Variants in GALNT7 observed in about 807,000 individuals in gnomAD.
GALNT7 encodes the protein polypeptide N-acetylgalactosaminyltransferase 7.
In GALNT7, 60 loss-of-function variants were observed where a neutral mutation model predicts 82.1. That is an observed-to-expected ratio of 0.73 (90% CI 0.59 to 0.91). The LOEUF (loss-of-function observed/expected upper bound fraction) is 0.91. Ranked by LOEUF, GALNT7 falls within the 40% of genes least tolerant of loss-of-function variation. The probability of loss-of-function intolerance (pLI) is 0.00; values close to 1 mark genes in which losing one functional copy is unlikely to be tolerated. For missense variants in GALNT7, 660 were observed against 804.2 expected (o/e 0.82, Z 2.17); for synonymous variants, 243 against 275.1 (o/e 0.88, Z 1.15).
chr4:173,227,648 G>T (rs1733879794), intron 1 of GALNT7, among the ~76,000 whole-genome samples: 1 of 152,082 alleles, frequency 6.6e-6, no homozygotes, highest in Non-Finnish European at 1.5e-5. Flanking sequence ...TTTTTATAAG[G>T]ATGTGTGCCT....
chr4:173,273,117 AT>A (rs1349475110), intron 2 of GALNT7, among the ~76,000 whole-genome samples: 1 of 152,174 alleles, frequency 6.6e-6, no homozygotes, highest in Non-Finnish European at 1.5e-5. Context: ...CAGTGTTGAA[AT>A]TTGCTTTTGG....
intron 9 of GALNT7, among the ~76,000 whole-genome samples, chr4:173,315,219 T>C (rs1431485584): frequency 6.6e-6 from 1 of 152,072 alleles, no homozygotes; most frequent in Non-Finnish European, 1.5e-5. Context: ...GTGGATTCCT[T>C]ATGGGTTGGT....
Position 173,190,080 on chromosome 4 carries a change from A to G in GALNT7, c.126+21119A>G, listed in dbSNP as rs184675516. Among the ~76,000 whole-genome samples the G allele has an allele frequency of 1.5e-3, 231 of 151,666 alleles. 2 individuals carry two copies. The highest frequency in any genetic ancestry group is 8.9e-3 in the Admixed American group (135 of 15,228). On this transcript the variant is annotated intron_variant, in intron 1 of 11. Coordinates refer to ENST00000265000, the MANE Select transcript of GALNT7 (RefSeq NM_017423.3). ...TCTTTTATGGTACTGTTAGGGATCC[A>G]TGCCCCTTCTCTCTTGTTACTCTGT...
rs546466193 is a variant in GALNT7 at position 173,242,962 on chromosome 4, T to C, written c.127-5018T>C. Among the ~76,000 whole-genome samples the C allele has an allele frequency of 3.3e-5, 5 of 152,346 alleles. No individual in the cohort carries two copies. The East Asian group carries it at 9.6e-4, about 29-fold the overall frequency. Reference sequence around the variant, plus strand: ...AAATCACAGAATGAAGTTTGGCTTGTTATACCTTTAAATTCTGTGGCTCAT... The same window carrying C: ...AAATCACAGAATGAAGTTTGGCTTGCTATACCTTTAAATTCTGTGGCTCAT... On this transcript the variant is annotated intron_variant, in intron 1 of 11. Transcript: ENST00000265000.
chr4:173,280,331 C>A (rs1470406069), intron 2 of GALNT7, among the ~76,000 whole-genome samples: 6 of 152,110 alleles, frequency 3.9e-5, no homozygotes, highest in Non-Finnish European at 8.8e-5. Context: ...CTAAATATAA[C>A]AAGGTTTTAT....
At chr4:173,300,627 AAG>A (rs1736887348) in intron 6 of GALNT7, among the ~76,000 whole-genome samples, 2 of 151,948 alleles carry the variant, frequency 1.3e-5, no homozygotes, top group African/African-American at 2.4e-5. Context: ...ACTCAACGGG[AAG>A]AGAGTCCATG....
At chr4:173,260,817 A>C (rs1316252037) in intron 2 of GALNT7, among the ~76,000 whole-genome samples, 1 of 152,242 alleles carries the variant, frequency 6.6e-6, no homozygotes, top group Non-Finnish European at 1.5e-5. Flanking sequence ...ATTGAAATAA[A>C]TGTGAAGTAT....
At chr4:173,273,921 C>T (rs975735643) in intron 2 of GALNT7, among the ~76,000 whole-genome samples, 9 of 152,202 alleles carry the variant, frequency 5.9e-5, no homozygotes, top group Non-Finnish European at 1.0e-4. Context: ...GTTATCTATA[C>T]ATCCATGCAT....
At chr4:173,194,481 A>G (rs566390964) in intron 1 of GALNT7, among the ~76,000 whole-genome samples, 1 of 152,270 alleles carries the variant, frequency 6.6e-6, no homozygotes, top group East Asian at 1.9e-4. Flanking sequence ...ATGTAAATTT[A>G]GGAATTTATC....
intron 1 of GALNT7, among the ~76,000 whole-genome samples, chr4:173,239,672 A>G (rs1734355625): frequency 6.6e-6 from 1 of 152,214 alleles, no homozygotes; most frequent in South Asian, 2.1e-4. Flanking sequence ...GTTAATGGTA[A>G]GTTCACATTT....
intron 11 of GALNT7, among the ~76,000 whole-genome samples, chr4:173,319,496 A>T (rs1193518336): frequency 6.6e-6 from 1 of 152,076 alleles, no homozygotes; most frequent in Non-Finnish European, 1.5e-5. Context: ...AGAATAGCAT[A>T]AACCTTAAAG....
At chr4:173,318,612 A>G (rs905482624) in intron 11 of GALNT7, 53 bp downstream of exon 11, 1 of 1,105,244 alleles carries the variant, frequency 9.0e-7, no homozygotes, top group Admixed American at 2.2e-5. Context: ...TTTCAGTAAC[A>G]TCTAGCATGT....
intron 2 of GALNT7, chr4:173,268,233 T>A (rs1735575604): frequency 6.5e-6 from 1 of 154,320 alleles, no homozygotes; most frequent in Non-Finnish European, 1.5e-5. Context: ...TGCACCAACC[T>A]AACCTTGTTT....
intron 1 of GALNT7, among the ~76,000 whole-genome samples, chr4:173,239,476 A>T (rs1734347754): frequency 6.6e-6 from 1 of 152,234 alleles, no homozygotes; most frequent in South Asian, 2.1e-4. Flanking sequence ...GGGGAGAAAC[A>T]TACAGATACT....
At chr4:173,175,642 GT>G (rs1409073344) in intron 1 of GALNT7, among the ~76,000 whole-genome samples, 1 of 152,226 alleles carries the variant, frequency 6.6e-6, no homozygotes, top group Non-Finnish European at 1.5e-5. Context: ...TTTTCAATGG[GT>G]TTATCGGTGT....
chr4:173,290,864 G>T (rs983553660), intron 2 of GALNT7, among the ~76,000 whole-genome samples: 2 of 152,134 alleles, frequency 1.3e-5, no homozygotes, highest in African/African-American at 4.8e-5. Flanking sequence ...TTCCAGCTCT[G>T]TTGTCCCCTG....
chr4:173,228,059 A>G (rs1022327316), intron 1 of GALNT7, among the ~76,000 whole-genome samples: 6 of 152,078 alleles, frequency 3.9e-5, no homozygotes, highest in African/African-American at 1.4e-4. Flanking sequence ...ATAGCTTACT[A>G]TGATAAAGAG....
chr4:173,197,062 C>CTTT (rs1732800096), intron 1 of GALNT7, among the ~76,000 whole-genome samples: 1 of 66,764 alleles, frequency 1.5e-5, no homozygotes, highest in Non-Finnish European at 3.3e-5. Flanking sequence ...TCTCTCTCTC[C>CTTT]CTTTTTTTTT....
At chr4:173,213,052 A>G (rs902154071) in intron 1 of GALNT7, among the ~76,000 whole-genome samples, 4 of 152,128 alleles carry the variant, frequency 2.6e-5, no homozygotes, top group South Asian at 2.1e-4. Flanking sequence ...ATGAGTTACT[A>G]TTGATTAACT....
Sources: gnomAD v4.1 joint callset for allele counts (sites outside exome capture counted in the v4.1 genomes callset) on GRCh38, gnomAD v4.1.1 for gene constraint, MANE v1.5 for transcripts, NCBI Gene and HGNC (gene_info 2026-07-23, HGNC 2026-07-21) for gene names.